The following ATXN7L1 variants were observed in gnomAD, a reference collection of about 807,000 sequenced individuals.
ATXN7L1 encodes ataxin 7 like 1.
ATXN7L1 carries 15 observed loss-of-function variants against 70.8 expected under a neutral mutation model. That is an observed-to-expected ratio of 0.21 (90% CI 0.14 to 0.33). The LOEUF (loss-of-function observed/expected upper bound fraction) is 0.33, where lower values mean the gene tolerates loss of function less well. Ranked by LOEUF, ATXN7L1 falls within the 10% of genes least tolerant of loss-of-function variation. ATXN7L1 has a pLI of 1.00. For synonymous variants in ATXN7L1, 440 were observed against 445.1 expected (o/e 0.99, Z 0.14); for missense variants, 975 against 1,097.1 (o/e 0.89, Z 1.57).
At chr7:105,829,490 C>T (rs1395859183) in intron 2 of ATXN7L1, among the ~76,000 whole-genome samples, 1 of 151,980 alleles carries the variant, frequency 6.6e-6, no homozygotes, top group Non-Finnish European at 1.5e-5. Flanking sequence ...AAAAACCAGC[C>T]ATTTCCCACT....
intron 3 of ATXN7L1, among the ~76,000 whole-genome samples, chr7:105,675,628 A>C (rs1299789029): frequency 6.6e-6 from 1 of 152,168 alleles, no homozygotes; most frequent in Admixed American, 6.5e-5. Context: ...CATCTCAAAA[A>C]AAAGAAAAAA....
chr7:105,837,082 G>T (rs1045471922), intron 2 of ATXN7L1, among the ~76,000 whole-genome samples: 1 of 152,100 alleles, frequency 6.6e-6, no homozygotes, highest in Non-Finnish European at 1.5e-5. Context: ...GTGAGTGGGT[G>T]GGGGGAGGTG....
intron 2 of ATXN7L1, among the ~76,000 whole-genome samples, chr7:105,838,327 T>C (rs1233191117): frequency 6.6e-6 from 1 of 152,216 alleles, no homozygotes; most frequent in Non-Finnish European, 1.5e-5. Context: ...TTCCTACTTT[T>C]CACAGCTATT....
chr7:105,709,889 T>G (rs575459), intron 3 of ATXN7L1, among the ~76,000 whole-genome samples: 39,105 of 151,506 alleles, frequency 0.26, 6,201 homozygotes, highest in African/African-American at 0.44. Flanking sequence ...TTTTTTTTTT[T>G]TGATACAGAG....
intron 3 of ATXN7L1, among the ~76,000 whole-genome samples, chr7:105,693,352 T>A (rs985210908): frequency 6.6e-6 from 1 of 152,116 alleles, no homozygotes; most frequent in Non-Finnish European, 1.5e-5. Context: ...CCACCATGCC[T>A]GGCTAATTTT....
At chr7:105,873,832 A>C (rs1225884482) in intron 2 of ATXN7L1, among the ~76,000 whole-genome samples, 2 of 152,182 alleles carry the variant, frequency 1.3e-5, no homozygotes, top group Non-Finnish European at 2.9e-5. Context: ...TTTTCTTAAA[A>C]GAATCCGTTT....
At chr7:105,818,717 A>G (rs941917469) in intron 2 of ATXN7L1, among the ~76,000 whole-genome samples, 2 of 152,184 alleles carry the variant, frequency 1.3e-5, no homozygotes, top group Non-Finnish European at 2.9e-5. Flanking sequence ...CACACATTGA[A>G]GCTGGCATGT....
At chr7:105,649,289 T>C (rs1799516397) in intron 4 of ATXN7L1, 4 of 871,066 alleles carry the variant, frequency 4.6e-6, no homozygotes, top group Admixed American at 6.2e-5. Context: ...CTGTGTCTAA[T>C]ATGCTGGGAG....
intron 2 of ATXN7L1, among the ~76,000 whole-genome samples, chr7:105,873,407 G>A (rs1011145589): frequency 2.0e-5 from 3 of 152,088 alleles, no homozygotes; most frequent in African/African-American, 4.8e-5. Flanking sequence ...ACATGTATCC[G>A]TCCCAGGACT....
At chr7:105,646,528 C>T (rs1010235061) in intron 4 of ATXN7L1, among the ~76,000 whole-genome samples, 14 of 152,118 alleles carry the variant, frequency 9.2e-5, no homozygotes, top group African/African-American at 3.4e-4. Context: ...AGTGATTCTC[C>T]TGTCTCAGCC....
intron 3 of ATXN7L1, among the ~76,000 whole-genome samples, chr7:105,725,592 T>TC (rs536559149): frequency 3.6e-4 from 54 of 151,678 alleles, no homozygotes; most frequent in Non-Finnish European, 7.5e-4. Flanking sequence ...CCTTTTTTTT[T>TC]TTTTTTGAGA....
chr7:105,667,868 G>A (rs1483814010), intron 3 of ATXN7L1, among the ~76,000 whole-genome samples: 2 of 152,106 alleles, frequency 1.3e-5, no homozygotes, highest in Admixed American at 6.6e-5. Context: ...GTCTTGTTTA[G>A]CAATTTCTTT....
At chr7:105,619,139 A>AGTTTTTTTTTTTT (rs1794374673) in intron 9 of ATXN7L1, among the ~76,000 whole-genome samples, 5 of 23,576 alleles carry the variant, frequency 2.1e-4, no homozygotes, top group Non-Finnish European at 2.9e-4. Context: ...TGAAATCTTT[A>AGTTTTTTTTTTTT]GTTTTTTTTT....
At chr7:105,778,517 A>C (rs1220089990) in intron 3 of ATXN7L1, among the ~76,000 whole-genome samples, 1 of 128,416 alleles carries the variant, frequency 7.8e-6, no homozygotes, top group African/African-American at 3.5e-5. Context: ...TCTCAAAAAA[A>C]AAAAAAAAAA....
chr7:105,819,481 G>A lies in ATXN7L1; in HGVS notation c.251-30773C>T, dbSNP rs1809744640. 6.2e-6 allele frequency: 5 copies of A among 805,032 alleles called. No individual in the cohort carries two copies. The Admixed American group carries it at 6.9e-5, about 11-fold the overall frequency. 49.9% of individuals were successfully genotyped at this position (805,032 alleles called of 1,614,324 possible). A position where few individuals can be genotyped will look rare whatever the true frequency, so the allele number is the denominator to read the frequency against. ...AAAAAAAGAGTGTCCTTTCCCAGGG[G>A]GCTGCTGAAGATGGCGGAGGGGCAG... On this transcript the variant is annotated intron_variant, in intron 2 of 11. Transcript: ENST00000419735.
At chr7:105,854,094 T>G (rs1218869497) in intron 2 of ATXN7L1, among the ~76,000 whole-genome samples, 1 of 152,122 alleles carries the variant, frequency 6.6e-6, no homozygotes, top group African/African-American at 2.4e-5. Flanking sequence ...GGCAGGCAGT[T>G]TTCCCTATAA....
rs1562967595 is a variant in ATXN7L1 at position 105,662,070 on chromosome 7, C to T, written c.578+2996G>A. Among the ~76,000 whole-genome samples the T allele has an allele frequency of 8.4e-5, 7 of 83,056 alleles. No homozygotes were observed. The East Asian group carries it at 4.3e-3, about 51-fold the overall frequency. 54.5% of individuals were successfully genotyped at this position (83,056 alleles called of 152,430 possible). On this transcript the variant is annotated intron_variant, in intron 4 of 11. Transcript: ENST00000419735. The stretch of plus-strand genomic sequence containing the variant: ...TCCTTCCTTCCTTCCTTCCTTCCTT[C>T]CTTCCTTCCTTCTTTCTTTTCTTTT...
chr7:105,733,584 A>T (rs1584870760), intron 3 of ATXN7L1, among the ~76,000 whole-genome samples: 2 of 129,676 alleles, frequency 1.5e-5, no homozygotes, highest in East Asian at 2.6e-4. Flanking sequence ...CCATCCACCC[A>T]TCCATCCATC....
chr7:105,862,953 G>T (rs1476582311), intron 2 of ATXN7L1, among the ~76,000 whole-genome samples: 2 of 152,062 alleles, frequency 1.3e-5, no homozygotes, highest in Non-Finnish European at 2.9e-5. Flanking sequence ...GCATCTCTGT[G>T]GCTGAAGAAG....
Sources: gnomAD v4.1 joint callset for allele counts (sites outside exome capture counted in the v4.1 genomes callset) on GRCh38, gnomAD v4.1.1 for gene constraint, MANE v1.5 for transcripts, NCBI Gene and HGNC (gene_info 2026-07-23, HGNC 2026-07-21) for gene names.